FCHSD2: variants seen among roughly 807,000 people sequenced by gnomAD.
The protein encoded by FCHSD2 is FCH and double SH3 domains 2, also known as F-BAR and double SH3 domains protein 2.
A neutral mutation model predicts 108.1 loss-of-function variants in FCHSD2; 38 were observed. The ratio of observed to expected loss-of-function variants is 0.35; its 90% CI spans 0.27 to 0.46. FCHSD2 has a LOEUF of 0.46. Ranked by LOEUF, FCHSD2 falls within the 20% of genes least tolerant of loss-of-function variation. The pLI is 1.00. For missense variants in FCHSD2, 751 were observed against 897.8 expected, an observed-to-expected ratio of 0.84 and a Z score of 2.09; for synonymous variants, 279 against 314.7, an observed-to-expected ratio of 0.89 and a Z score of 1.20.
chr11:73,009,365 C>T (rs1285721315), intron 4 of FCHSD2, among the ~76,000 whole-genome samples: 8 of 147,294 alleles, frequency 5.4e-5, no homozygotes, highest in East Asian at 1.9e-4. Context: ...GGTGTGGTGG[C>T]GTACACCTGT....
chr11:72,862,910 A>G (rs757257035), intron 13 of FCHSD2, among the ~76,000 whole-genome samples: 8 of 152,158 alleles, frequency 5.3e-5, no homozygotes, highest in Non-Finnish European at 8.8e-5. Flanking sequence ...ATGTCAAGAA[A>G]CAGACCCATA....
intron 2 of FCHSD2, among the ~76,000 whole-genome samples, chr11:73,134,366 A>T (rs951278205): frequency 6.6e-6 from 1 of 152,048 alleles, no homozygotes; most frequent in Admixed American, 6.6e-5. Flanking sequence ...GCTACTCAGG[A>T]GGCTGAGGTA....
intron 8 of FCHSD2, among the ~76,000 whole-genome samples, chr11:72,959,385 A>C (rs1591436430): frequency 6.8e-6 from 1 of 147,608 alleles, no homozygotes. Context: ...GCCCGCCACC[A>C]TGCCCGGCTA....
chr11:72,956,026 T>C lies in FCHSD2; in HGVS notation c.705+28062A>G, dbSNP rs560558127. 1.2e-3 allele frequency among the ~76,000 whole-genome samples: 179 copies of C among 152,210 alleles called. 1 individual carries two copies. The highest frequency in any genetic ancestry group is 4.1e-3 in the African/African-American group (171 of 41,534). On this transcript the variant is annotated intron_variant, in intron 8 of 19. Transcript: ENST00000409418. ...CTTGGGGAAATAGTTGATTCCAGAATTGGGGCAAAGAAAGTACATGATAAG... is the reference window on the plus strand; with the variant it reads ...CTTGGGGAAATAGTTGATTCCAGAACTGGGGCAAAGAAAGTACATGATAAG...
chr11:73,139,360 G>A (rs1358746217), intron 2 of FCHSD2, among the ~76,000 whole-genome samples: 1 of 152,128 alleles, frequency 6.6e-6, no homozygotes, highest in Non-Finnish European at 1.5e-5. Flanking sequence ...CATTCTTGAC[G>A]AAAATCTTTG....
At chr11:72,874,376 A>G (rs1854924247) in intron 12 of FCHSD2, among the ~76,000 whole-genome samples, 1 of 152,104 alleles carries the variant, frequency 6.6e-6, no homozygotes, top group South Asian at 2.1e-4. Context: ...TTTTGTAGAG[A>G]CAGCTGTCTC....
intron 3 of FCHSD2, among the ~76,000 whole-genome samples, chr11:73,029,839 C>G (rs1858317342): frequency 6.6e-6 from 1 of 152,186 alleles, no homozygotes; most frequent in Non-Finnish European, 1.5e-5. Context: ...AAGGCACAGG[C>G]TCAGAAAATT....
chr11:73,062,778 T>G (rs895513487), intron 3 of FCHSD2, among the ~76,000 whole-genome samples: 7 of 152,156 alleles, frequency 4.6e-5, no homozygotes, highest in Non-Finnish European at 7.4e-5. Context: ...CCAAGAAATA[T>G]GAGACTATGT....
At chr11:73,140,852 G>C (rs901239824) in intron 1 of FCHSD2, among the ~76,000 whole-genome samples, 5 of 152,224 alleles carry the variant, frequency 3.3e-5, no homozygotes, top group South Asian at 4.1e-4. Context: ...CGAAGTTAAC[G>C]GTCAGTCTGG....
At chr11:72,964,432 A>T (rs970341868) in intron 8 of FCHSD2, among the ~76,000 whole-genome samples, 1 of 152,304 alleles carries the variant, frequency 6.6e-6, no homozygotes, top group Non-Finnish European at 1.5e-5. Context: ...TTACTCCCTG[A>T]GATGGGGTTG....
chr11:73,119,722 C>T (rs1224068877), intron 2 of FCHSD2, among the ~76,000 whole-genome samples: 1 of 152,164 alleles, frequency 6.6e-6, no homozygotes, highest in Non-Finnish European at 1.5e-5. Flanking sequence ...GCTGGGATTA[C>T]AGGTGTAAAC....
chr11:72,955,498 G>A (rs942669921), intron 8 of FCHSD2, among the ~76,000 whole-genome samples: 1 of 152,104 alleles, frequency 6.6e-6, no homozygotes, highest in African/African-American at 2.4e-5. Context: ...TGGTGATCAA[G>A]TCACCCTTTA....
intron 8 of FCHSD2, among the ~76,000 whole-genome samples, chr11:72,924,111 C>T (rs1354213736): frequency 6.6e-6 from 1 of 151,722 alleles, no homozygotes; most frequent in Non-Finnish European, 1.5e-5. Flanking sequence ...AAAAGTTTTA[C>T]TTTTTTAAAA....
Position 73,131,961 on chromosome 11 carries a change from G to T in FCHSD2, c.119+8070C>A, listed in dbSNP as rs543644444. ...AGAGTCGAACTCTTCTCATTTTTTT[G>T]AATCAGTCACTGACATCCATATATT... On this transcript the variant is annotated intron_variant, in intron 2 of 19. Transcript: ENST00000409418. Among the ~76,000 whole-genome samples, 4 of 152,028 alleles carry T rather than the reference G, an allele frequency of 2.6e-5. No individual in the cohort carries two copies. In the South Asian group the frequency reaches 8.3e-4, roughly 31 times the overall value.
chr11:73,091,527 CCA>C (rs1161271868), intron 2 of FCHSD2, among the ~76,000 whole-genome samples: 1 of 151,834 alleles, frequency 6.6e-6, no homozygotes, highest in African/African-American at 2.4e-5. Flanking sequence ...CCAGCCTGGG[CCA>C]CAGAGTGAGA....
intron 8 of FCHSD2, among the ~76,000 whole-genome samples, chr11:72,969,341 A>T (rs984579552): frequency 3.9e-5 from 6 of 152,258 alleles, no homozygotes; most frequent in Non-Finnish European, 5.9e-5. Context: ...TATCAGGAAT[A>T]AAAATCGGAT....
intron 8 of FCHSD2, among the ~76,000 whole-genome samples, chr11:72,962,483 G>A (rs781521334): frequency 3.9e-5 from 6 of 152,104 alleles, no homozygotes; most frequent in East Asian, 1.9e-4. Context: ...TGGTATAAGC[G>A]ATTGATATTC....
At chr11:72,883,220 A>G (rs187118784) in intron 12 of FCHSD2, among the ~76,000 whole-genome samples, 235 of 152,350 alleles carry the variant, frequency 1.5e-3, no homozygotes, top group Non-Finnish European at 2.5e-3. Context: ...AGCTTGAACT[A>G]TAACACTTCT....
chr11:72,868,133 T>C, intron 12 of FCHSD2, 107 bp from the exon 13 acceptor site: 1 of 1,005,620 alleles, frequency 9.9e-7, no homozygotes, highest in Non-Finnish European at 1.5e-6. Context: ...ATAAAGAAAA[T>C]GTGGTACATA....
Sources: gnomAD v4.1 joint callset for allele counts (sites outside exome capture counted in the v4.1 genomes callset) on GRCh38, gnomAD v4.1.1 for gene constraint, MANE v1.5 for transcripts, NCBI Gene and HGNC (gene_info 2026-07-23, HGNC 2026-07-21) for gene names.